MICAL2: variants seen among roughly 807,000 people sequenced by gnomAD.
The protein encoded by MICAL2 is microtubule associated monooxygenase, calponin and LIM domain containing 2, also known as [F-actin]-monooxygenase MICAL2.
MICAL2 carries 77 observed loss-of-function variants against 127.3 expected under a neutral mutation model. The observed-to-expected ratio is 0.60, with a 90% CI of 0.50 to 0.73. The LOEUF (loss-of-function observed/expected upper bound fraction) is 0.73, where lower values mean the gene tolerates loss of function less well. MICAL2 is among the 30% of genes least tolerant of loss of function. The probability of loss-of-function intolerance (pLI) is 0.00; values close to 1 mark genes in which losing one functional copy is unlikely to be tolerated. For synonymous variants in MICAL2, 570 were observed against 551.1 expected, an observed-to-expected ratio of 1.03 and a Z score of -0.48; for missense variants, 1,351 against 1,434.4, an observed-to-expected ratio of 0.94 and a Z score of 0.94.
At position 12,162,455 on chromosome 11, in the gene MICAL2, G is replaced by A. The variant is rs2133807331; in HGVS notation, c.264+36G>A. Reference sequence around the variant, plus strand: ...ACCCTCCTAGTCTTACCTTTGCAGGGCGTGTGGGTTGACATTTGGGAGGTT... The same window carrying A: ...ACCCTCCTAGTCTTACCTTTGCAGGACGTGTGGGTTGACATTTGGGAGGTT... On this transcript the variant is annotated intron_variant, in intron 3 of 27. Transcript: ENST00000683283. 4 of 1,607,590 alleles carry A rather than the reference G, an allele frequency of 2.5e-6. No homozygotes were observed. The Middle Eastern group carries it at 6.6e-4, about 267-fold the overall frequency.
At chr11:12,205,583 G>T (rs565730861) in intron 4 of MICAL2, among the ~76,000 whole-genome samples, 1 of 152,194 alleles carries the variant, frequency 6.6e-6, no homozygotes, top group Non-Finnish European at 1.5e-5. Context: ...TATGGGGAAA[G>T]CTCAAGAGTT....
intron 32 of MICAL2, among the ~76,000 whole-genome samples, chr11:12,345,911 C>G (rs958828145): frequency 2.0e-5 from 3 of 152,110 alleles, no homozygotes; most frequent in Admixed American, 6.5e-5. Context: ...CTTCCTAGGA[C>G]AAAATGACAG....
intron 15 of MICAL2, 105 bp from the exon 16 acceptor site, chr11:12,236,072 A>G (rs985644639): frequency 1.1e-6 from 1 of 920,450 alleles, no homozygotes; most frequent in Non-Finnish European, 1.8e-6. Flanking sequence ...GCAGGGACAC[A>G]TCCTCAGCGC....
intron 2 of MICAL2, among the ~76,000 whole-genome samples, chr11:12,139,392 G>A (rs148366332): frequency 3.0e-4 from 45 of 152,298 alleles, no homozygotes; most frequent in African/African-American, 7.0e-4. Flanking sequence ...TTGGCAGGGC[G>A]TTGAAGAGGC....
In MICAL2 at chr11:12,175,331, C is replaced by T. The variant is rs529689279; in HGVS notation, c.264+12912C>T. Reference sequence around the variant, plus strand: ...TCTCTACTAAAAATACAAAAATTAGCCAGGCGTGGTGGTGGGTGCCTGTAA... The same window carrying T: ...TCTCTACTAAAAATACAAAAATTAGTCAGGCGTGGTGGTGGGTGCCTGTAA... On this transcript the variant is annotated intron_variant, in intron 3 of 27. Transcript: ENST00000683283. Among the ~76,000 whole-genome samples, 21 of 152,078 alleles carry T rather than the reference C, an allele frequency of 1.4e-4. No homozygotes were observed. The South Asian group carries it at 4.4e-3, about 32-fold the overall frequency.
intron 4 of MICAL2, among the ~76,000 whole-genome samples, chr11:12,206,845 G>GCTTC (rs1382369210): frequency 6.6e-6 from 1 of 151,788 alleles, no homozygotes; most frequent in Non-Finnish European, 1.5e-5. Flanking sequence ...AATCCCTCTG[G>GCTTC]CTTCCTTCCT....
At chr11:12,126,951 T>C in intron 1 of MICAL2, among the ~76,000 whole-genome samples, 1 of 151,944 alleles carries the variant, frequency 6.6e-6, no homozygotes, top group East Asian at 1.9e-4. Flanking sequence ...GATGGATAAG[T>C]TGGGAGTAAG....
At position 12,242,671 on chromosome 11, in the gene MICAL2, A is replaced by T. The variant is rs1364732318; in HGVS notation, c.2557A>T (p.Lys853Ter). The T allele has an allele frequency of 6.2e-7, 1 of 1,612,008 alleles. No individual in the cohort carries two copies. The highest frequency in any genetic ancestry group is 1.3e-5 in the African/African-American group (1 of 74,884). Reference sequence around the variant, plus strand: ...TTCTCCTTTCTCACCTTCACTGCAGAAGAGGGCTCAGAACTTGGCCAACAG... The same window carrying T: ...TTCTCCTTTCTCACCTTCACTGCAGTAGAGGGCTCAGAACTTGGCCAACAG... The part of the protein sequence containing the change: ...LQQVEEKILQ[K>*]RAQNLANREF... Residue 853 changes from lysine to a stop codon, truncating the protein, a stop_gained and splice_region_variant, in exon 20 of 28, where the codon AAG (lysine) becomes TAG (stop). Transcript: ENST00000683283. LOFTEE classifies it high-confidence loss of function.
Position 12,241,653 on chromosome 11 carries a change from T to C in MICAL2, c.2337+491T>C, listed in dbSNP as rs545581266. 2.3e-4 allele frequency among the ~76,000 whole-genome samples: 35 copies of C among 152,210 alleles called. 1 individual carries two copies. The highest frequency in any genetic ancestry group is 7.8e-4 in the Admixed American group (12 of 15,298). On this transcript the variant is annotated intron_variant, in intron 18 of 27. Coordinates refer to ENST00000683283, the MANE Select transcript of MICAL2 (RefSeq NM_001282663.2). ...GGGAAGGCAGCTGGCAGTCACGGAG[T>C]ATGGCTTATGGCAGGTAGTGCTCCT...
chr11:12,137,476 C>A (rs1203781151), intron 1 of MICAL2, among the ~76,000 whole-genome samples: 3 of 152,220 alleles, frequency 2.0e-5, no homozygotes, highest in African/African-American at 7.2e-5. Flanking sequence ...CTAGTCTCCA[C>A]CCATGACAGT....
chr11:12,354,487 A>T (rs1939100422), intron 33 of MICAL2, among the ~76,000 whole-genome samples: 1 of 151,284 alleles, frequency 6.6e-6, no homozygotes, highest in African/African-American at 2.4e-5. Flanking sequence ...AAAAAAAAAA[A>T]ATTAGCCAGG....
chr11:12,141,724 T>C (rs1307757532), intron 2 of MICAL2, among the ~76,000 whole-genome samples: 1 of 152,196 alleles, frequency 6.6e-6, no homozygotes, highest in Non-Finnish European at 1.5e-5. Flanking sequence ...GAATTTTTGA[T>C]CAGAGGGTAG....
intron 29 of MICAL2, among the ~76,000 whole-genome samples, chr11:12,315,661 G>A (rs75718155): frequency 0.033 from 4,969 of 152,198 alleles, 175 homozygotes; most frequent in Admixed American, 0.1. Context: ...TTAAAGCCAA[G>A]GATATCGTCT....
intron 21 of MICAL2, among the ~76,000 whole-genome samples, chr11:12,248,605 C>T (rs1423670401): frequency 1.3e-5 from 2 of 152,216 alleles, no homozygotes; most frequent in Non-Finnish European, 2.9e-5. Flanking sequence ...GTCAGAAGAG[C>T]ACTGAGCATT....
intron 29 of MICAL2, among the ~76,000 whole-genome samples, chr11:12,307,082 C>T (rs1482793704): frequency 6.6e-6 from 1 of 152,166 alleles, no homozygotes. Context: ...ACAAGAGTTT[C>T]GGTTACTGTA....
In MICAL2 at chr11:12,283,646, C is replaced by T. The variant is rs924867120; in HGVS notation, c.254+2547C>T. 2.0e-5 allele frequency among the ~76,000 whole-genome samples: 3 copies of T among 152,138 alleles called. No individual in the cohort carries two copies. In the South Asian group the frequency reaches 6.2e-4, roughly 32 times the overall value. On this transcript the variant is annotated intron_variant, in intron 2 of 2. Transcript: ENST00000529028. Reference sequence around the variant, plus strand: ...ATGGGTGGTGGTGAGGTGGTGATGGCTGCACAGCAGGGTAAGTGTACTTAA... The same window carrying T: ...ATGGGTGGTGGTGAGGTGGTGATGGTTGCACAGCAGGGTAAGTGTACTTAA...
chr11:12,356,833 C>T (rs1406916338), intron 34 of MICAL2, among the ~76,000 whole-genome samples: 1 of 152,218 alleles, frequency 6.6e-6, no homozygotes, highest in Non-Finnish European at 1.5e-5. Context: ...GGGGGCCACA[C>T]TCAGACCCTT....
chr11:12,166,812 C>A (rs866408959), intron 3 of MICAL2, among the ~76,000 whole-genome samples: 1 of 152,044 alleles, frequency 6.6e-6, no homozygotes, highest in Admixed American at 6.5e-5. Context: ...AGTCTGGGAA[C>A]GCTTCCTGGA....
At chr11:12,337,600 A>C (rs1397323808) in intron 32 of MICAL2, among the ~76,000 whole-genome samples, 5 of 151,286 alleles carry the variant, frequency 3.3e-5, no homozygotes, top group Non-Finnish European at 7.4e-5. Context: ...TAGTGCTATA[A>C]ATTTCCCTCT....
Sources: allele counts gnomAD v4.1 joint callset (sites outside exome capture counted in the v4.1 genomes callset), GRCh38; gene constraint gnomAD v4.1.1; transcripts MANE v1.5; gene names NCBI Gene and HGNC (gene_info 2026-07-23, HGNC 2026-07-21).